RC3H2: variants seen among roughly 807,000 people sequenced by gnomAD.
The protein encoded by RC3H2 is ring finger and CCCH-type domains 2.
In RC3H2, 31 loss-of-function variants were observed where a neutral mutation model predicts 133.3. That is an observed-to-expected ratio of 0.23 (90% CI 0.17 to 0.31). RC3H2 has a LOEUF of 0.31. Among genes scored for constraint, RC3H2 ranks in the 10% least tolerant of loss-of-function variants. The probability of loss-of-function intolerance (pLI) is 1.00; values close to 1 mark genes in which losing one functional copy is unlikely to be tolerated. For missense variants in RC3H2, 1,175 were observed against 1,437.2 expected, an observed-to-expected ratio of 0.82 and a Z score of 2.95; for synonymous variants, 517 against 502.2, an observed-to-expected ratio of 1.03 and a Z score of -0.40.
At chr9:122,854,121 C>A in intron 17 of RC3H2, 35 bp from the exon 18 acceptor site, 1 of 1,611,632 alleles carries the variant, frequency 6.2e-7, no homozygotes, top group Non-Finnish European at 8.5e-7. Flanking sequence ...AAGTTAGCTT[C>A]CAACTATAGC....
At chr9:122,899,942 A>T (rs993575588) in intron 1 of RC3H2, among the ~76,000 whole-genome samples, 2 of 152,188 alleles carry the variant, frequency 1.3e-5, no homozygotes, top group Admixed American at 1.3e-4. Flanking sequence ...AGTTTTCCAA[A>T]GCCTTTCTGA....
intron 1 of RC3H2, 66 bp from the exon 2 acceptor site, chr9:122,897,642 T>G: frequency 1.8e-6 from 2 of 1,095,946 alleles, no homozygotes; most frequent in Non-Finnish European, 2.5e-6. Context: ...GTTAATTGCT[T>G]AAGTCAACTA....
intron 4 of RC3H2, among the ~76,000 whole-genome samples, chr9:122,888,504 GT>G (rs1832028880): frequency 6.6e-6 from 1 of 151,928 alleles, no homozygotes; most frequent in South Asian, 2.1e-4. Context: ...TTTTGCCATT[GT>G]TTCTTTTGGA....
intron 5 of RC3H2, among the ~76,000 whole-genome samples, chr9:122,881,715 A>C (rs1175994019): frequency 6.6e-6 from 1 of 152,154 alleles, no homozygotes; most frequent in Admixed American, 6.5e-5. Flanking sequence ...GCTGGAGTGC[A>C]GTGGCACAAT....
At position 122,849,861 on chromosome 9, in the gene RC3H2, T is replaced by C. The variant is rs770753657; in HGVS notation, c.3381-39A>G. On this transcript the variant is annotated intron_variant, in intron 20 of 20. Coordinates refer to ENST00000357244, the MANE Select transcript of RC3H2 (RefSeq NM_001100588.3). ...AATGACATTAAAAACAAATTAGCTT[T>C]AAGTGCAAACTGTTAAGGGTGACTA... The C allele has an allele frequency of 2.1e-5, 30 of 1,448,292 alleles. No individual in the cohort carries two copies. In the African/African-American group the frequency reaches 4.0e-4, roughly 19 times the overall value. The allele number at this position is 1,448,292 out of a possible 1,614,324, so 89.7% of individuals were successfully genotyped here.
intron 1 of RC3H2, among the ~76,000 whole-genome samples, chr9:122,902,027 T>C (rs1832674777): frequency 6.6e-6 from 1 of 151,450 alleles, no homozygotes; most frequent in South Asian, 2.1e-4. Flanking sequence ...TCTCCCGGGT[T>C]CAAGCGATTC....
At position 122,854,000 on chromosome 9, in the gene RC3H2, G is replaced by A. The variant is rs755632050; in HGVS notation, c.3069C>T (p.His1023=). The part of the protein sequence containing the change: ...QKWNSLDEGR[H]LTLNLLSKEI... The stretch of plus-strand genomic sequence containing the variant: ...CCTTGCTTAAAAGGTTTAAGGTAAG[G>A]TGACGGCCTTCATCCAGGGAATTCC... Residue 1023 remains histidine, a synonymous_variant, in exon 18 of 21, where the codon CAC becomes CAT. Coordinates refer to ENST00000357244, the MANE Select transcript of RC3H2 (RefSeq NM_001100588.3). 1 of 1,614,100 alleles carries A rather than the reference G, an allele frequency of 6.2e-7. No individual in the cohort carries two copies. The highest frequency in any genetic ancestry group is 1.1e-5 in the South Asian group (1 of 91,092).
At chr9:122,861,505 A>G (rs2539930) in intron 10 of RC3H2, among the ~76,000 whole-genome samples, 92,932 of 121,272 alleles carry the variant, frequency 0.77, 34,594 homozygotes, top group South Asian at 0.88. Flanking sequence ...AAAAAAAAAA[A>G]AAAAGAAAAG....
At chr9:122,898,082 A>C (rs1024875853) in intron 1 of RC3H2, 5 of 152,288 alleles carry the variant, frequency 3.3e-5, no homozygotes, top group African/African-American at 1.2e-4. Context: ...TTGCCACCTG[A>C]AAGAGGAAAT....
At chr9:122,854,433 A>G in intron 16 of RC3H2, 98 bp downstream of exon 16, 1 of 1,194,612 alleles carries the variant, frequency 8.4e-7, no homozygotes, top group Non-Finnish European at 1.2e-6. Flanking sequence ...TCAGACAACA[A>G]GCAAAGCACA....
intron 1 of RC3H2, among the ~76,000 whole-genome samples, chr9:122,903,929 T>C (rs1832747190): frequency 6.6e-6 from 1 of 152,202 alleles, no homozygotes; most frequent in Non-Finnish European, 1.5e-5. Flanking sequence ...TTAATATTCT[T>C]AATATCGTAA....
At chr9:122,881,457 CAAAAAA>C (rs11321863) in intron 5 of RC3H2, among the ~76,000 whole-genome samples, 1,200 of 85,344 alleles carry the variant, frequency 0.014, 10 homozygotes, top group African/African-American at 0.046. Flanking sequence ...GACTCCGTCT[CAAAAAA>C]AAAAAAAAAA....
chr9:122,864,307 C>A (rs982669312), intron 10 of RC3H2, among the ~76,000 whole-genome samples: 7 of 152,054 alleles, frequency 4.6e-5, no homozygotes, highest in African/African-American at 1.7e-4. Flanking sequence ...AATTTAAAAA[C>A]CTTTTTCTAA....
intron 9 of RC3H2, among the ~76,000 whole-genome samples, chr9:122,871,643 G>A (rs550229810): frequency 6.6e-6 from 1 of 151,980 alleles, no homozygotes; most frequent in Admixed American, 6.5e-5. Context: ...TCTTCTAAGA[G>A]TCTTTCCTAC....
At chr9:122,853,349 C>T (rs1047083376) in intron 18 of RC3H2, among the ~76,000 whole-genome samples, 15 of 147,264 alleles carry the variant, frequency 1.0e-4, no homozygotes, top group Non-Finnish European at 2.1e-4. Flanking sequence ...CCAAATCCCC[C>T]TCTGTGAGAA....
chr9:122,876,904 G>A (rs1831365304), intron 9 of RC3H2, among the ~76,000 whole-genome samples: 1 of 152,162 alleles, frequency 6.6e-6, no homozygotes, highest in Non-Finnish European at 1.5e-5. Flanking sequence ...TTACCATTTT[G>A]CCTGAGACTT....
intron 10 of RC3H2, among the ~76,000 whole-genome samples, chr9:122,863,437 TCTC>T (rs1830530646): frequency 6.6e-6 from 1 of 152,226 alleles, no homozygotes; most frequent in African/African-American, 2.4e-5. Flanking sequence ...AAAAGACTGG[TCTC>T]CTCAATATTC....
Position 122,849,738 on chromosome 9 carries a change from G to A in RC3H2, c.3465C>T (p.Pro1155=). ...TGCCAGCACTGACAGATGTGGTGAT[G>A]GGGAGGCAACTTGCATTGCTAATAG... ...PVSISNASCL[P]ITTSVSAGNL... The change falls in exon 21 of 21, where the codon CCC becomes CCT. Residue 1155 remains proline (P), a synonymous_variant. Transcript: ENST00000357244. The A allele has an allele frequency of 6.2e-7, 1 of 1,609,832 alleles. No individual in the cohort carries two copies. The highest frequency in any genetic ancestry group is 8.5e-7 in the Non-Finnish European group (1 of 1,177,882).
In RC3H2 at chr9:122,879,975, G is replaced by A; in HGVS notation, c.1093+18C>T. On this transcript the variant is annotated intron_variant, in intron 7 of 20. Coordinates refer to ENST00000357244, the MANE Select transcript of RC3H2 (RefSeq NM_001100588.3). Reference sequence around the variant, plus strand: ...AAAGTAGAAAAAAATATAAGCAACTGAGCATATTCCCACATACCTGGATTA... The same window carrying A: ...AAAGTAGAAAAAAATATAAGCAACTAAGCATATTCCCACATACCTGGATTA... 4 of 1,613,712 alleles carry A rather than the reference G, an allele frequency of 2.5e-6. No individual in the cohort carries two copies. Among genetic ancestry groups the A allele is most frequent in the Admixed American group, 1.7e-5 (1 of 59,918 alleles).
Sources: allele counts gnomAD v4.1 joint callset (sites outside exome capture counted in the v4.1 genomes callset), GRCh38; gene constraint gnomAD v4.1.1; transcripts MANE v1.5; gene names NCBI Gene and HGNC (gene_info 2026-07-23, HGNC 2026-07-21).